TCP11L2: variants seen among roughly 807,000 people sequenced by gnomAD.
TCP11L2 encodes the protein T-complex protein 11-like protein 2.
A neutral mutation model predicts 50.7 loss-of-function variants in TCP11L2; 39 were observed. The ratio of observed to expected loss-of-function variants is 0.77; its 90% CI spans 0.60 to 1.01. TCP11L2 has a LOEUF of 1.01. Among genes scored for constraint, TCP11L2 ranks in the 50% least tolerant of loss-of-function variants. TCP11L2 has a pLI of 0.00. For synonymous variants in TCP11L2, 192 were observed against 219.3 expected (o/e 0.88, Z 1.10); for missense variants, 612 against 614.7 (o/e 1.00, Z 0.05).
chr12:106,329,874 A>T (rs2136764369), intron 6 of TCP11L2: 1 of 985,784 alleles, frequency 1.0e-6, no homozygotes, highest in African/African-American at 1.7e-5. Context: ...ACCAAAAACA[A>T]CATTTGCCAA....
At chr12:106,320,402 AAAAAG>A (rs978570584) in intron 4 of TCP11L2, among the ~76,000 whole-genome samples, 7 of 152,320 alleles carry the variant, frequency 4.6e-5, no homozygotes, top group Admixed American at 6.5e-5. Context: ...ATCTCAAAAA[AAAAAG>A]AAAAGAAAAG....
At chr12:106,333,671 C>T (rs2035817511) in intron 6 of TCP11L2, among the ~76,000 whole-genome samples, 2 of 151,926 alleles carry the variant, frequency 1.3e-5, no homozygotes. Context: ...GTGAAAAAAA[C>T]AAAATAATTA....
At chr12:106,319,101 C>T (rs545464258) in intron 4 of TCP11L2, among the ~76,000 whole-genome samples, 7 of 152,050 alleles carry the variant, frequency 4.6e-5, no homozygotes, top group South Asian at 4.1e-4. Context: ...TTAGTAGAGA[C>T]GGGGTTTCAC....
chr12:106,333,663 GAAAA>G (rs965779635), intron 6 of TCP11L2, among the ~76,000 whole-genome samples: 3 of 151,650 alleles, frequency 2.0e-5, no homozygotes, highest in African/African-American at 7.3e-5. Context: ...TTATATATGT[GAAAA>G]AAACAAAATA....
In TCP11L2 at chr12:106,317,614, G is replaced by T. The variant is rs117441154; in HGVS notation, c.294-730G>T. On this transcript the variant is annotated intron_variant, in intron 3 of 9. Transcript: ENST00000299045. ...ATCAGGCACTGTACTAGGCACAATGGTAAGTACCTACCTGGAGGACTTATG... is the reference window on the plus strand; with the variant it reads ...ATCAGGCACTGTACTAGGCACAATGTTAAGTACCTACCTGGAGGACTTATG... Among the ~76,000 whole-genome samples the T allele has an allele frequency of 3.5e-3, 533 of 152,318 alleles. 1 individual carries two copies. Among genetic ancestry groups the T allele is most frequent in the Non-Finnish European group, 6.0e-3 (405 of 68,030 alleles).
chr12:106,337,291 A>T (rs192893583), intron 8 of TCP11L2, among the ~76,000 whole-genome samples: 1 of 152,370 alleles, frequency 6.6e-6, no homozygotes, highest in African/African-American at 2.4e-5. Context: ...AAAGGAGCCC[A>T]TGTAGTTACA....
chr12:106,334,931 AC>A (rs779787070), intron 6 of TCP11L2, among the ~76,000 whole-genome samples: 8 of 151,838 alleles, frequency 5.3e-5, no homozygotes, highest in Non-Finnish European at 1.2e-4. Flanking sequence ...ACAGAGTGAG[AC>A]CCCGTCTTAA....
chr12:106,299,562 G>C (rs910770404), upstream of TCP11L2, among the ~76,000 whole-genome samples: 5 of 152,192 alleles, frequency 3.3e-5, no homozygotes, highest in Admixed American at 6.5e-5. Context: ...GCTCTTCCAA[G>C]GGTGGGGCCT....
intron 1 of TCP11L2, among the ~76,000 whole-genome samples, chr12:106,310,229 A>G (rs1319041734): frequency 6.6e-6 from 1 of 152,174 alleles, no homozygotes; most frequent in African/African-American, 2.4e-5. Context: ...ATCATGTAGT[A>G]AATCCCCTTA....
In TCP11L2 at chr12:106,323,623, A is replaced by G. The variant is rs1054521807; in HGVS notation, c.749A>G (p.Gln250Arg). ...QLVEYERTKF[Q>R]EILEETPSAL... ...GTGGAATATGAGAGAACCAAGTTCC[A>G]GGAAATTTTGGAAGAAACTCCAAGT... The change falls in exon 6 of 10, where the codon CAG becomes CGG. Residue 250 changes from glutamine to arginine, a missense_variant. Physicochemically the swap from Gln to Arg is conservative, Grantham distance 43 (BLOSUM62 1). Transcript: ENST00000299045. 5.6e-6 allele frequency: 9 copies of G among 1,601,608 alleles called. No individual in the cohort carries two copies. The highest frequency in any genetic ancestry group is 7.7e-6 in the Non-Finnish European group (9 of 1,174,136).
intron 2 of TCP11L2, among the ~76,000 whole-genome samples, 186 bp downstream of exon 2, chr12:106,311,418 A>G (rs1410339246): frequency 6.6e-6 from 1 of 152,072 alleles, no homozygotes; most frequent in Non-Finnish European, 1.5e-5. Context: ...AAAGTTTACA[A>G]CCTGCTGATT....
chr12:106,320,327 G>A (rs1471391400), intron 4 of TCP11L2, among the ~76,000 whole-genome samples: 7 of 152,114 alleles, frequency 4.6e-5, no homozygotes, highest in Admixed American at 4.6e-4. Context: ...GAACCTGGGA[G>A]GCGGAGATTG....
intron 8 of TCP11L2, among the ~76,000 whole-genome samples, chr12:106,337,247 A>AT (rs2035950145): frequency 6.6e-6 from 1 of 152,196 alleles, no homozygotes; most frequent in Non-Finnish European, 1.5e-5. Context: ...GAGCATATAA[A>AT]TTACTTGATG....
chr12:106,328,018 G>A (rs1273500527), intron 6 of TCP11L2, among the ~76,000 whole-genome samples: 2 of 152,078 alleles, frequency 1.3e-5, no homozygotes, highest in Non-Finnish European at 2.9e-5. Flanking sequence ...AGAAAGAAAG[G>A]CTTTATTTAG....
chr12:106,342,478 A>G (rs193282183), intron 9 of TCP11L2, among the ~76,000 whole-genome samples: 7 of 152,304 alleles, frequency 4.6e-5, no homozygotes, highest in Non-Finnish European at 1.5e-5. Context: ...TGAACAGGTA[A>G]AACCTGAGAG....
intron 1 of TCP11L2, chr12:106,304,283 A>G (rs1241996389): frequency 6.6e-6 from 1 of 152,438 alleles, no homozygotes; most frequent in South Asian, 2.1e-4. Flanking sequence ...TTCAAATGTG[A>G]AAAGTGCCAG....
Position 106,328,578 on chromosome 12 carries a change from G to T in TCP11L2, c.772+4932G>T, listed in dbSNP as rs76661080. On this transcript the variant is annotated intron_variant, in intron 6 of 9. Transcript: ENST00000299045. ...ACAAAACAAAACAAAAAACAGTGGAGCTAGGACTGGAAACCAGGTCTCCCA... is the reference window on the plus strand; with the variant it reads ...ACAAAACAAAACAAAAAACAGTGGATCTAGGACTGGAAACCAGGTCTCCCA... 6.1e-3 allele frequency among the ~76,000 whole-genome samples: 929 copies of T among 152,192 alleles called. 19 individuals carry two copies. The highest frequency in any genetic ancestry group is 0.021 in the African/African-American group (891 of 41,540).
At chr12:106,304,679 T>C (rs906270485) in intron 1 of TCP11L2, among the ~76,000 whole-genome samples, 1 of 152,228 alleles carries the variant, frequency 6.6e-6, no homozygotes, top group African/African-American at 2.4e-5. Flanking sequence ...ACTAGAAGTT[T>C]CTTGAAATTT....
At chr12:106,335,312 T>G (rs1004984937) in intron 6 of TCP11L2, among the ~76,000 whole-genome samples, 1 of 152,228 alleles carries the variant, frequency 6.6e-6, no homozygotes, top group African/African-American at 2.4e-5. Context: ...TAGTTCTTTA[T>G]GGACCAGCAA....
Sources: gnomAD v4.1 joint callset for allele counts (sites outside exome capture counted in the v4.1 genomes callset) on GRCh38, gnomAD v4.1.1 for gene constraint, MANE v1.5 for transcripts, NCBI Gene and HGNC (gene_info 2026-07-23, HGNC 2026-07-21) for gene names.